Variants in RAD51B observed in about 807,000 individuals in gnomAD.
RAD51B encodes the protein DNA repair protein RAD51 homolog 2.
A neutral mutation model predicts 42.2 loss-of-function variants in RAD51B; 38 were observed. The ratio of observed to expected loss-of-function variants is 0.90; its 90% CI spans 0.70 to 1.18. The LOEUF (loss-of-function observed/expected upper bound fraction) is 1.18. Among genes scored for constraint, RAD51B ranks in the 50% most tolerant of loss-of-function variants. RAD51B has a pLI of 0.00. For missense variants in RAD51B, 373 were observed against 400.7 expected, an observed-to-expected ratio of 0.93 and a Z score of 0.59; for synonymous variants, 154 against 145.2, an observed-to-expected ratio of 1.06 and a Z score of -0.43.
chr14:68,619,019 A>G (rs1891884874), intron 10 of RAD51B, among the ~76,000 whole-genome samples: 1 of 152,214 alleles, frequency 6.6e-6, no homozygotes, highest in South Asian at 2.1e-4. Context: ...TCATTTGGGG[A>G]TCATGCTCAA....
intron 8 of RAD51B, among the ~76,000 whole-genome samples, chr14:68,301,592 G>GTTTTTTTTTTTTTTTTTTTTT (rs139865933): frequency 1.8e-5 from 2 of 109,778 alleles, no homozygotes; most frequent in African/African-American, 6.6e-5. Flanking sequence ...TTGTTTGTGT[G>GTTTTTTTTTTTTTTTTTTTTT]TTTTTTTTTT....
intron 7 of RAD51B, among the ~76,000 whole-genome samples, chr14:68,028,717 TG>T (rs2075993513): frequency 1.3e-5 from 2 of 151,982 alleles, no homozygotes. Context: ...GCTCTTGCAG[TG>T]GGGGGTCAGG....
chr14:68,286,619 T>C (rs748874748), intron 7 of RAD51B, among the ~76,000 whole-genome samples: 2 of 152,202 alleles, frequency 1.3e-5, no homozygotes, highest in Non-Finnish European at 2.9e-5. Context: ...CATGGAAGGC[T>C]CCAGTATACA....
intron 9 of RAD51B, among the ~76,000 whole-genome samples, chr14:68,441,685 C>T (rs2085296532): frequency 6.6e-6 from 1 of 151,858 alleles, no homozygotes; most frequent in Admixed American, 6.6e-5. Flanking sequence ...AAAATTCTAG[C>T]TCTGTTTCTA....
At position 68,133,495 on chromosome 14, in the gene RAD51B, G is replaced by A. The variant is rs182951273; in HGVS notation, c.757-158389G>A. 1.9e-4 allele frequency among the ~76,000 whole-genome samples: 29 copies of A among 152,026 alleles called. No individual in the cohort carries two copies. In the East Asian group the frequency reaches 4.2e-3, roughly 22 times the overall value. ...AATGATTTTTTTTTCTTTTTGAGACGAAGTCTCACTGTGTTGCCCAGGCTG... is the reference window on the plus strand; with the variant it reads ...AATGATTTTTTTTTCTTTTTGAGACAAAGTCTCACTGTGTTGCCCAGGCTG... On this transcript the variant is annotated intron_variant, in intron 7 of 10. Transcript: ENST00000471583.
intron 4 of RAD51B, among the ~76,000 whole-genome samples, chr14:67,846,364 G>A (rs1333672138): frequency 3.3e-5 from 5 of 152,206 alleles, no homozygotes; most frequent in Admixed American, 2.0e-4. Flanking sequence ...TGGCCACGCA[G>A]TGGTGGGGTT....
chr14:68,650,716 G>A (rs1892682775), intron 10 of RAD51B: 1 of 705,300 alleles, frequency 1.4e-6, no homozygotes, highest in Admixed American at 2.0e-5. Context: ...AGAAAGCCTG[G>A]ATGAATCCTC....
At chr14:68,594,508 C>G (rs1410003200) in exon 11 of RAD51B, 29 of 1,365,384 alleles carry the variant, frequency 2.1e-5, no homozygotes, top group Non-Finnish European at 2.8e-5. Flanking sequence ...CTCTGTCACC[C>G]AAGCTGAACT....
rs562884205 is a variant in RAD51B at position 68,393,906 on chromosome 14, G to A, written c.854-17518G>A. Among the ~76,000 whole-genome samples the A allele has an allele frequency of 8.5e-5, 13 of 152,308 alleles. No individual in the cohort carries two copies. In the East Asian group the frequency reaches 2.1e-3, roughly 25 times the overall value. Reference sequence around the variant, plus strand: ...CAAACTCCTGCCCCACTGTTTGAAAGACCGTCTGCCCCAAATTCAGGTCTT... The same window carrying A: ...CAAACTCCTGCCCCACTGTTTGAAAAACCGTCTGCCCCAAATTCAGGTCTT... On this transcript the variant is annotated intron_variant, in intron 8 of 10. Transcript: ENST00000471583.
chr14:68,434,501 C>T (rs2085096874), intron 9 of RAD51B, among the ~76,000 whole-genome samples: 1 of 152,238 alleles, frequency 6.6e-6, no homozygotes, highest in Non-Finnish European at 1.5e-5. Flanking sequence ...GACTGTTGTG[C>T]TAGCAATGAG....
chr14:68,165,965 A>G (rs999797046), intron 7 of RAD51B, among the ~76,000 whole-genome samples: 5 of 152,172 alleles, frequency 3.3e-5, no homozygotes, highest in Middle Eastern at 3.2e-3. Context: ...CTCGGCATTA[A>G]TATCTTATGC....
intron 8 of RAD51B, among the ~76,000 whole-genome samples, chr14:68,398,384 TCCTGCTGTCA>T (rs1363946960): frequency 2.0e-5 from 3 of 152,202 alleles, no homozygotes; most frequent in African/African-American, 4.8e-5. Flanking sequence ...TGCACTCTGT[TCCTGCTGTCA>T]CTGAGGAAAC....
chr14:68,411,979 A>G (rs1218942843), intron 9 of RAD51B, among the ~76,000 whole-genome samples: 1 of 152,248 alleles, frequency 6.6e-6, no homozygotes, highest in Non-Finnish European at 1.5e-5. Context: ...GTACTTTTAC[A>G]TTAACGCATA....
At chr14:68,334,881 T>TATATC (rs201036003) in intron 8 of RAD51B, among the ~76,000 whole-genome samples, 2,548 of 130,226 alleles carry the variant, frequency 0.02, 81 homozygotes, top group African/African-American at 0.063. Context: ...ATAGGATAGA[T>TATATC]ATATATTTTA....
chr14:68,022,496 G>C (rs2075883199), intron 7 of RAD51B, among the ~76,000 whole-genome samples: 1 of 152,116 alleles, frequency 6.6e-6, no homozygotes, highest in African/African-American at 2.4e-5. Context: ...TAAGTTCTTT[G>C]AGAAATAGCC....
At chr14:68,473,320 T>A (rs1882247106) in intron 10 of RAD51B, among the ~76,000 whole-genome samples, 1 of 152,180 alleles carries the variant, frequency 6.6e-6, no homozygotes, top group Non-Finnish European at 1.5e-5. Flanking sequence ...CCTGTCACAT[T>A]GTCCCCAGCC....
intron 7 of RAD51B, among the ~76,000 whole-genome samples, chr14:68,181,038 C>A (rs1394107695): frequency 2.0e-5 from 3 of 152,124 alleles, no homozygotes; most frequent in Non-Finnish European, 4.4e-5. Context: ...TAAAACTCAC[C>A]CATTAGTTAC....
chr14:68,123,059 G>A (rs1464340228), intron 7 of RAD51B, among the ~76,000 whole-genome samples: 1 of 151,952 alleles, frequency 6.6e-6, no homozygotes, highest in Non-Finnish European at 1.5e-5. Flanking sequence ...GTGAGAAACA[G>A]GAAAAAGAGA....
chr14:68,422,721 A>G (rs2084740187), intron 9 of RAD51B, among the ~76,000 whole-genome samples: 2 of 152,174 alleles, frequency 1.3e-5, no homozygotes, highest in African/African-American at 4.8e-5. Flanking sequence ...TATGCTACAC[A>G]TTATCTGATG....
Sources: gnomAD v4.1 joint callset for allele counts (sites outside exome capture counted in the v4.1 genomes callset) on GRCh38, gnomAD v4.1.1 for gene constraint, MANE v1.5 for transcripts, NCBI Gene and HGNC (gene_info 2026-07-23, HGNC 2026-07-21) for gene names.